The following CHCHD6 variants were observed in gnomAD, a reference collection of about 807,000 sequenced individuals.
CHCHD6 encodes MICOS complex subunit MIC25.
In CHCHD6, 28 loss-of-function variants were observed where a neutral mutation model predicts 32.3. That is an observed-to-expected ratio of 0.87 (90% CI 0.64 to 1.19). CHCHD6 has a LOEUF of 1.19. Among genes scored for constraint, CHCHD6 ranks in the 50% most tolerant of loss-of-function variants. The pLI is 0.00. For synonymous variants in CHCHD6, 122 were observed against 117.5 expected (o/e 1.04, Z -0.25); for missense variants, 333 against 307.0 (o/e 1.08, Z -0.63).
At chr3:126,850,728 CT>C (rs1941443273) in intron 4 of CHCHD6, among the ~76,000 whole-genome samples, 1 of 152,188 alleles carries the variant, frequency 6.6e-6, no homozygotes, top group Non-Finnish European at 1.5e-5. Context: ...CAGAGACTTT[CT>C]TTTACTGGCT....
rs138878150 is a variant in CHCHD6, at chr3:126,926,253, A to T, written c.566+11503A>T. On this transcript the variant is annotated intron_variant, in intron 6 of 7. Transcript: ENST00000290913. ...ACTTACATGTCTGTTTTGTACTTAC[A>T]TATTCAGGCATTGCATTTTGCTAGA... 5.9e-5 allele frequency among the ~76,000 whole-genome samples: 9 copies of T among 152,288 alleles called. No individual in the cohort carries two copies. In the East Asian group the frequency reaches 1.7e-3, roughly 29 times the overall value.
Position 126,873,812 on chromosome 3 carries a change from G to GT in CHCHD6, c.495+21083dup, listed in dbSNP as rs140728553. Among the ~76,000 whole-genome samples the GT allele has an allele frequency of 1.6e-3, 237 of 152,336 alleles. 1 individual carries two copies. The highest frequency in any genetic ancestry group is 5.5e-3 in the African/African-American group (227 of 41,584). The stretch of plus-strand genomic sequence containing the variant: ...CTCTAGTCACACACAGGTCTAGTAA[G>GT]TAGATGCAGGTATTCCCTCTGTACC... On this transcript the variant is annotated intron_variant, in intron 5 of 7. Coordinates refer to ENST00000290913, the MANE Select transcript of CHCHD6 (RefSeq NM_032343.3).
chr3:126,751,744 G>C (rs1285672502), intron 4 of CHCHD6, among the ~76,000 whole-genome samples: 1 of 152,202 alleles, frequency 6.6e-6, no homozygotes, highest in Non-Finnish European at 1.5e-5. Flanking sequence ...GTCGAATCCT[G>C]CTTCCCAGTT....
At chr3:126,903,491 A>G (rs761449959) in intron 5 of CHCHD6, among the ~76,000 whole-genome samples, 1 of 152,244 alleles carries the variant, frequency 6.6e-6, no homozygotes, top group Non-Finnish European at 1.5e-5. Context: ...GGGTCAGATC[A>G]CTAGTAAGTA....
chr3:126,766,391 A>G, intron 4 of CHCHD6: 1 of 526,660 alleles, frequency 1.9e-6, no homozygotes, highest in Admixed American at 2.8e-5. Context: ...TGGAAGTGAC[A>G]GCTGCCACGA....
chr3:126,944,710 G>T (rs755684988), intron 6 of CHCHD6, among the ~76,000 whole-genome samples: 3 of 152,386 alleles, frequency 2.0e-5, no homozygotes, highest in Middle Eastern at 3.4e-3. Context: ...ACAGCGGGAA[G>T]AAGGGCAGGT....
chr3:126,743,146 C>G (rs535059639), intron 4 of CHCHD6, among the ~76,000 whole-genome samples: 1 of 152,210 alleles, frequency 6.6e-6, no homozygotes, highest in South Asian at 2.1e-4. Context: ...AGCTGTTACT[C>G]TGTGGACTGC....
chr3:126,886,210 A>C (rs976279736), intron 5 of CHCHD6, among the ~76,000 whole-genome samples: 6 of 152,218 alleles, frequency 3.9e-5, no homozygotes, highest in Admixed American at 6.5e-5. Flanking sequence ...ACTTTTATAG[A>C]TATAAAGCAA....
chr3:126,882,304 C>G (rs905920521), intron 5 of CHCHD6, among the ~76,000 whole-genome samples: 1 of 152,194 alleles, frequency 6.6e-6, no homozygotes, highest in Non-Finnish European at 1.5e-5. Flanking sequence ...CTCTGAGCCT[C>G]TGTTCACGCA....
rs552782867 is a variant in CHCHD6 at position 126,819,892 on chromosome 3, C to T, written c.412-32755C>T. 1.8e-4 allele frequency among the ~76,000 whole-genome samples: 28 copies of T among 152,326 alleles called. No homozygotes were observed. In the South Asian group the frequency reaches 5.0e-3, roughly 27 times the overall value. On this transcript the variant is annotated intron_variant, in intron 4 of 7. Coordinates refer to ENST00000290913, the MANE Select transcript of CHCHD6 (RefSeq NM_032343.3). ...AATTCTCTGCTAATAAGGAAATTTT[C>T]GGAAAAACTGACTGAGGGAGCCTGG...
intron 4 of CHCHD6, among the ~76,000 whole-genome samples, chr3:126,815,550 C>T (rs749517708): frequency 6.6e-6 from 1 of 152,104 alleles, no homozygotes; most frequent in Non-Finnish European, 1.5e-5. Flanking sequence ...GGCCTATTCT[C>T]TCAACCTTGC....
chr3:126,858,013 G>C (rs1941719908), intron 5 of CHCHD6, among the ~76,000 whole-genome samples: 1 of 152,204 alleles, frequency 6.6e-6, no homozygotes, highest in Admixed American at 6.5e-5. Flanking sequence ...GTCCATGGTA[G>C]TGTCATTCAC....
At chr3:126,926,699 A>G (rs1429012311) in intron 6 of CHCHD6, among the ~76,000 whole-genome samples, 1 of 152,186 alleles carries the variant, frequency 6.6e-6, no homozygotes, top group African/African-American at 2.4e-5. Flanking sequence ...GTGCATTCTA[A>G]AGAATTCGAG....
chr3:126,765,609 G>T (rs1937337444), intron 4 of CHCHD6, among the ~76,000 whole-genome samples: 1 of 152,248 alleles, frequency 6.6e-6, no homozygotes, highest in South Asian at 2.1e-4. Flanking sequence ...GATCAAGGCT[G>T]GTACAGAAAG....
intron 4 of CHCHD6, among the ~76,000 whole-genome samples, chr3:126,775,716 G>A (rs748453669): frequency 2.6e-5 from 4 of 152,206 alleles, no homozygotes; most frequent in Admixed American, 6.5e-5. Flanking sequence ...TTCATGGAGG[G>A]GCACCTCATG....
At chr3:126,918,224 A>T (rs1333968574) in intron 6 of CHCHD6, among the ~76,000 whole-genome samples, 1 of 152,282 alleles carries the variant, frequency 6.6e-6, no homozygotes, top group Non-Finnish European at 1.5e-5. Flanking sequence ...CATAAATGTC[A>T]TAGAAATAAA....
chr3:126,837,499 G>T (rs1039508351), intron 4 of CHCHD6, among the ~76,000 whole-genome samples: 2 of 152,160 alleles, frequency 1.3e-5, no homozygotes, highest in East Asian at 3.8e-4. Flanking sequence ...TCGAGGCTGG[G>T]GTGAGCCCAG....
chr3:126,724,143 G>A (rs760792192), intron 1 of CHCHD6, among the ~76,000 whole-genome samples: 9 of 152,216 alleles, frequency 5.9e-5, no homozygotes, highest in Admixed American at 2.0e-4. Context: ...AGAGATGAGT[G>A]AGATTCAGGC....
chr3:126,874,110 C>T lies in CHCHD6; in HGVS notation c.495+21380C>T, dbSNP rs115367652. Among the ~76,000 whole-genome samples, 264 of 152,306 alleles carry T rather than the reference C, an allele frequency of 1.7e-3. 1 individual carries two copies. The highest frequency in any genetic ancestry group is 6.1e-3 in the African/African-American group (254 of 41,570). ...CTCCAGACAGTCTGCTTCCATGTCA[C>T]TTATGAAGTGCCGTCCCAGGAACTC... On this transcript the variant is annotated intron_variant, in intron 5 of 7. Coordinates refer to ENST00000290913, the MANE Select transcript of CHCHD6 (RefSeq NM_032343.3).
Sources: gnomAD v4.1 joint callset for allele counts (sites outside exome capture counted in the v4.1 genomes callset) on GRCh38, gnomAD v4.1.1 for gene constraint, MANE v1.5 for transcripts, NCBI Gene and HGNC (gene_info 2026-07-23, HGNC 2026-07-21) for gene names.